The following JARID2 variants were observed in gnomAD, a reference collection of about 807,000 sequenced individuals.
JARID2 encodes the protein protein Jumonji.
Under a neutral mutation model 125.6 loss-of-function variants are expected in JARID2, and 21 were observed. The observed-to-expected ratio is 0.17, with a 90% CI of 0.12 to 0.24. The LOEUF is 0.24. Among genes scored for constraint, JARID2 ranks in the 10% least tolerant of loss-of-function variants. JARID2 has a pLI of 1.00. For synonymous variants in JARID2, 736 were observed against 661.6 expected (o/e 1.11, Z -1.73); for missense variants, 1,303 against 1,639.6 (o/e 0.79, Z 3.55).
At chr6:15,420,641 C>T (rs1488537221) in intron 3 of JARID2, among the ~76,000 whole-genome samples, 1 of 152,148 alleles carries the variant, frequency 6.6e-6, no homozygotes, top group South Asian at 2.1e-4. Context: ...TTGACAGACA[C>T]TAAATTTTTC....
intron 1 of JARID2, among the ~76,000 whole-genome samples, chr6:15,281,540 G>T (rs2127376353): frequency 6.6e-6 from 1 of 152,328 alleles, no homozygotes; most frequent in Non-Finnish European, 1.5e-5. Context: ...CTGCATACAT[G>T]CATGTTTATG....
intron 1 of JARID2, among the ~76,000 whole-genome samples, chr6:15,269,473 T>C (rs1211839203): frequency 5.9e-5 from 9 of 152,202 alleles, no homozygotes; most frequent in Non-Finnish European, 4.4e-5. Flanking sequence ...GAGATCCTCC[T>C]GCCTTCCCTG....
chr6:15,263,066 G>A (rs945980132), intron 1 of JARID2, among the ~76,000 whole-genome samples: 31 of 121,320 alleles, frequency 2.6e-4, no homozygotes, highest in Non-Finnish European at 1.1e-4. Context: ...CCTTTGGAGG[G>A]TGTGTGTTTG....
intron 1 of JARID2, among the ~76,000 whole-genome samples, chr6:15,274,957 T>A (rs1760439585): frequency 6.6e-6 from 1 of 152,200 alleles, no homozygotes. Flanking sequence ...ACCTCCAGAC[T>A]AAAGGAGGTT....
intron 1 of JARID2, among the ~76,000 whole-genome samples, chr6:15,297,617 CAGGCATGAG>C (rs1761461799): frequency 6.6e-6 from 1 of 152,044 alleles, no homozygotes; most frequent in South Asian, 2.1e-4. Context: ...CTGGGATTTA[CAGGCATGAG>C]CCACCGTGCT....
At chr6:15,351,463 G>A (rs907844663) in intron 1 of JARID2, among the ~76,000 whole-genome samples, 3 of 152,176 alleles carry the variant, frequency 2.0e-5, no homozygotes, top group Admixed American at 1.3e-4. Flanking sequence ...GGAGGCCTGG[G>A]TCTCATCCCT....
intron 1 of JARID2, among the ~76,000 whole-genome samples, chr6:15,364,609 T>C (rs914693031): frequency 6.6e-6 from 1 of 152,232 alleles, no homozygotes; most frequent in African/African-American, 2.4e-5. Context: ...TCTTGCCTGC[T>C]TTAGACTCTA....
At chr6:15,322,321 A>T (rs1461353844) in intron 1 of JARID2, among the ~76,000 whole-genome samples, 1 of 152,216 alleles carries the variant, frequency 6.6e-6, no homozygotes, top group Non-Finnish European at 1.5e-5. Context: ...CTTGCCAGGC[A>T]TGGTGACACA....
intron 2 of JARID2, among the ~76,000 whole-genome samples, chr6:15,409,685 A>C (rs781430289): frequency 6.6e-6 from 1 of 152,222 alleles, no homozygotes; most frequent in Non-Finnish European, 1.5e-5. Context: ...GATCAAAGGC[A>C]AATCCGGTTA....
intron 1 of JARID2, among the ~76,000 whole-genome samples, chr6:15,326,562 C>G (rs1201390181): frequency 6.6e-6 from 1 of 152,132 alleles, no homozygotes; most frequent in African/African-American, 2.4e-5. Context: ...AGTGCAGTGG[C>G]TCGATCTTCG....
intron 1 of JARID2, among the ~76,000 whole-genome samples, chr6:15,336,434 CTTAG>C (rs1275797416): frequency 3.1e-4 from 47 of 152,290 alleles, no homozygotes; most frequent in South Asian, 2.9e-3. Context: ...TGCTTGCTAA[CTTAG>C]TTAGAGCTGG....
chr6:15,507,004 C>T lies in JARID2; in HGVS notation c.2542-132C>T, dbSNP rs1266115573. The T allele has an allele frequency of 1.2e-5, 8 of 658,324 alleles. No individual in the cohort carries two copies. The Admixed American group carries it at 1.7e-4, about 14-fold the overall frequency. The allele number at this position is 658,324 out of a possible 1,614,324, so 40.8% of individuals were successfully genotyped here. ...CTGCATTAGCGTCCTGCTGGAGACA[C>T]TCTGCAAAGAGAGCGTCTGTTCTGA... On this transcript the variant is annotated intron_variant, in intron 9 of 17. Transcript: ENST00000341776.
intron 2 of JARID2, among the ~76,000 whole-genome samples, chr6:15,375,071 A>AT (rs1314953240): frequency 2.0e-5 from 3 of 152,134 alleles, no homozygotes; most frequent in African/African-American, 7.2e-5. Flanking sequence ...GTCACCACAT[A>AT]TGGGGTACTT....
chr6:15,359,229 T>C (rs1161296918), intron 1 of JARID2, among the ~76,000 whole-genome samples: 1 of 152,208 alleles, frequency 6.6e-6, no homozygotes, highest in Non-Finnish European at 1.5e-5. Flanking sequence ...ATAAAAACTT[T>C]TCTGAGTGGG....
intron 1 of JARID2, among the ~76,000 whole-genome samples, chr6:15,366,788 C>T (rs58484907): frequency 0.013 from 1,995 of 152,198 alleles, 48 homozygotes; most frequent in African/African-American, 0.045. Context: ...GTAAGTGCAC[C>T]TAGGTTGCCA....
chr6:15,442,559 T>C lies in JARID2; in HGVS notation c.324-9447T>C, dbSNP rs867579893. ...CAGCAGTCTTTGACGAGAAGAGTAT[T>C]TGTGGCTCTTCCCTCCTGGGCTTGG... On this transcript the variant is annotated intron_variant, in intron 3 of 17. Transcript: ENST00000341776. Among the ~76,000 whole-genome samples the C allele has an allele frequency of 4.6e-5, 7 of 152,338 alleles. 1 individual carries two copies. The Middle Eastern group carries it at 0.014, about 296-fold the overall frequency.
intron 1 of JARID2, among the ~76,000 whole-genome samples, chr6:15,296,779 T>A (rs903898383): frequency 6.6e-6 from 1 of 152,236 alleles, no homozygotes; most frequent in African/African-American, 2.4e-5. Flanking sequence ...ACAGACACAT[T>A]AAGGTGTTGT....
At chr6:15,462,105 C>T (rs574436617) in intron 4 of JARID2, among the ~76,000 whole-genome samples, 1 of 152,276 alleles carries the variant, frequency 6.6e-6, no homozygotes, top group Admixed American at 6.5e-5. Context: ...CATTACCTTT[C>T]CTTTAGGGCA....
intron 1 of JARID2, among the ~76,000 whole-genome samples, chr6:15,258,139 C>T (rs901829667): frequency 6.6e-6 from 1 of 152,172 alleles, no homozygotes; most frequent in African/African-American, 2.4e-5. Flanking sequence ...ACGAAGATCC[C>T]TTTGGGCTGT....
Sources: gnomAD v4.1 joint callset for allele counts (sites outside exome capture counted in the v4.1 genomes callset) on GRCh38, gnomAD v4.1.1 for gene constraint, MANE v1.5 for transcripts, NCBI Gene and HGNC (gene_info 2026-07-23, HGNC 2026-07-21) for gene names.